ABCC2: variants seen among roughly 807,000 people sequenced by gnomAD.
The protein encoded by ABCC2 is ATP binding cassette subfamily C member 2.
In ABCC2, 157 loss-of-function variants were observed where a neutral mutation model predicts 173.4. The observed-to-expected ratio is 0.91, with a 90% confidence interval of 0.80 to 1.03. ABCC2 has a LOEUF of 1.03. Among genes scored for constraint, ABCC2 ranks in the 50% least tolerant of loss-of-function variants. The pLI, the probability that ABCC2 is intolerant of heterozygous loss-of-function variation, is 0.00. For missense variants in ABCC2, 1,822 were observed against 1,852.3 expected (o/e 0.98, Z 0.30); for synonymous variants, 657 against 693.5 (o/e 0.95, Z 0.83).
At chr10:99,784,842 T>A (rs1316859899) in intron 2 of ABCC2, 61 bp downstream of exon 2, 1 of 1,589,606 alleles carries the variant, frequency 6.3e-7, no homozygotes, top group Non-Finnish European at 8.6e-7. Context: ...AGACATTTTC[T>A]TGGTGGTTAG....
intron 7 of ABCC2, 172 bp downstream of exon 7, chr10:99,797,503 C>T (rs996835505): frequency 2.2e-5 from 15 of 671,198 alleles, no homozygotes; most frequent in Non-Finnish European, 3.2e-5. Flanking sequence ...GGATACATGG[C>T]GTGTAATGTA....
intron 9 of ABCC2, 83 bp from the exon 10 acceptor site, chr10:99,803,936 A>G (rs1448228309): frequency 5.1e-5 from 80 of 1,570,462 alleles, no homozygotes; most frequent in Middle Eastern, 2.1e-4. Context: ...CTTCCATTGT[A>G]ATCTCACTTC....
At chr10:99,839,206 T>G (rs113890674) in intron 25 of ABCC2, among the ~76,000 whole-genome samples, 1 of 74,664 alleles carries the variant, frequency 1.3e-5, no homozygotes, top group Admixed American at 1.5e-4. Context: ...CCCACCTCCC[T>G]CCCGGACGGG....
intron 13 of ABCC2, among the ~76,000 whole-genome samples, chr10:99,808,750 A>G (rs190252434): frequency 8.9e-4 from 136 of 152,330 alleles, no homozygotes; most frequent in Non-Finnish European, 1.6e-3. Context: ...AACTGAGCAT[A>G]GTCACTGATA....
chr10:99,784,643 G>A lies in ABCC2; in HGVS notation c.69G>A (p.Leu23=), dbSNP rs752688969. The part of the protein sequence containing the change: ...SSFLDSPEAD[L]PLCFEQTVLV... The stretch of plus-strand genomic sequence containing the variant: ...TCCTGGACAGTCCGGAGGCAGACCT[G>A]CCACTTTGTTTTGAGCAAACTGTTC... The change falls in exon 2 of 32, where the codon CTG becomes CTA. Residue 23 remains leucine (L), a synonymous_variant. Transcript: ENST00000647814. 6.2e-7 allele frequency: 1 copy of A among 1,614,074 alleles called. No homozygotes were observed. The highest frequency in any genetic ancestry group is 1.1e-5 in the South Asian group (1 of 91,088).
intron 19 of ABCC2, among the ~76,000 whole-genome samples, chr10:99,826,140 C>A (rs1168497461): frequency 6.6e-6 from 1 of 152,206 alleles, no homozygotes; most frequent in African/African-American, 2.4e-5. Flanking sequence ...TGAGACTGGG[C>A]AATTCTTTTT....
intron 18 of ABCC2, 25 bp from the exon 19 acceptor site, chr10:99,819,064 A>ATGGTG (rs763414970): frequency 1.3e-4 from 205 of 1,613,780 alleles, no homozygotes; most frequent in Middle Eastern, 8.2e-4. Context: ...ATGGTAATCA[A>ATGGTG]CACAACTTCA....
At chr10:99,787,623 A>G (rs1166333590) in intron 2 of ABCC2, among the ~76,000 whole-genome samples, 2 of 152,162 alleles carry the variant, frequency 1.3e-5, no homozygotes, top group African/African-American at 4.8e-5. Context: ...TTTTATGAAT[A>G]CTAACGCAAT....
At position 99,830,729 on chromosome 10, in the gene ABCC2, G is replaced by A. The variant is rs41318029; in HGVS notation, c.2761G>A (p.Gly921Ser). 20,817 of 1,614,068 alleles carry A rather than the reference G, an allele frequency of 0.013. 168 individuals carry two copies. The highest frequency in any genetic ancestry group is 0.016 in the Non-Finnish European group (18,976 of 1,179,990). ...TCCCTCTCTCAGTTCTAGGTCCAAT[G>A]GCAGGCATCTGAAGTCCCTGAGAAA... The part of the protein sequence containing the change: ...RTLSRSSRSN[G>S]RHLKSLRNSL... The change falls in exon 21 of 32, where the codon GGC becomes AGC. Residue 921 changes from glycine (G) to serine (S), a missense_variant. Gly to Ser is a moderately conservative substitution (Grantham distance 56). Coordinates refer to ENST00000647814, the MANE Select transcript of ABCC2 (RefSeq NM_000392.5).
At chr10:99,831,341 A>C (rs999527390) in intron 21 of ABCC2, among the ~76,000 whole-genome samples, 2 of 152,180 alleles carry the variant, frequency 1.3e-5, no homozygotes, top group African/African-American at 4.8e-5. Context: ...GGGGCATGCT[A>C]TCATGTCTGG....
chr10:99,827,812 C>T (rs11595888), intron 19 of ABCC2, among the ~76,000 whole-genome samples: 27,438 of 145,164 alleles, frequency 0.19, 2,709 homozygotes, highest in South Asian at 0.26. Context: ...TTTAGTTTGC[C>T]CCATTATTAC....
intron 9 of ABCC2, 56 bp downstream of exon 9, chr10:99,800,619 T>C: frequency 9.4e-6 from 15 of 1,590,836 alleles, no homozygotes; most frequent in Non-Finnish European, 1.3e-5. Flanking sequence ...AATATGAGCA[T>C]TGATTCCAAG....
At chr10:99,804,616 A>C (rs1412358963) in intron 10 of ABCC2, among the ~76,000 whole-genome samples, 1 of 152,080 alleles carries the variant, frequency 6.6e-6, no homozygotes, top group Non-Finnish European at 1.5e-5. Flanking sequence ...ATCTAAACCA[A>C]CCACAGAGAG....
At chr10:99,827,317 C>T (rs373699737) in intron 19 of ABCC2, among the ~76,000 whole-genome samples, 8 of 127,724 alleles carry the variant, frequency 6.3e-5, no homozygotes, top group Non-Finnish European at 1.2e-4. Context: ...AATTCTGGAC[C>T]TTTTCCTTCT....
chr10:99,800,672 T>C lies in ABCC2; in HGVS notation c.1209+109T>C. On this transcript the variant is annotated intron_variant, in intron 9 of 31. Transcript: ENST00000647814. ...GGAAATGGTAACTTATCTCAACACT[T>C]AATGTTGACTGGCCATACAGCCTCC... 9 of 1,225,968 alleles carry C rather than the reference T, an allele frequency of 7.3e-6. No homozygotes were observed. The South Asian group carries it at 9.8e-5, about 13-fold the overall frequency. The allele number at this position is 1,225,968 out of a possible 1,614,324, so 75.9% of individuals were successfully genotyped here.
rs373716486 is a variant in ABCC2 at position 99,850,569 on chromosome 10, G to A, written c.4314-33G>A. ...CCCTGCGTCTTTCCTTGGTCTTTAGGAGCTAACACATGGTTGCTTCTATTG... is the reference window on the plus strand; with the variant it reads ...CCCTGCGTCTTTCCTTGGTCTTTAGAAGCTAACACATGGTTGCTTCTATTG... On this transcript the variant is annotated intron_variant, in intron 30 of 31. Transcript: ENST00000647814. 52 of 1,609,202 alleles carry A rather than the reference G, an allele frequency of 3.2e-5. No homozygotes were observed. The African/African-American group carries it at 6.0e-4, about 19-fold the overall frequency.
rs760985583 is a variant in ABCC2 at position 99,845,776 on chromosome 10, C to A, written c.4140C>A (p.Ile1380=). Residue 1380 remains isoleucine, a synonymous_variant, in exon 29 of 32, where the codon ATC becomes ATA. Coordinates refer to ENST00000647814, the MANE Select transcript of ABCC2 (RefSeq NM_000392.5). ...ACCTCCGAGAGAAGCTGACCATCAT[C>A]CCCCAGGTGAGCTCTAGAACTTACT... ...LHDLREKLTI[I]PQDPILFSGS... is the part of the protein sequence containing the mutation. 2 of 1,611,026 alleles carry A rather than the reference C, an allele frequency of 1.2e-6. No homozygotes were observed. The highest frequency in any genetic ancestry group is 1.7e-6 in the Non-Finnish European group (2 of 1,179,066).
chr10:99,819,014 G>A lies in ABCC2; in HGVS notation c.2439+57G>A, dbSNP rs1289552910. On this transcript the variant is annotated intron_variant, in intron 18 of 31. Coordinates refer to ENST00000647814, the MANE Select transcript of ABCC2 (RefSeq NM_000392.5). Reference sequence around the variant, plus strand: ...AAGGTGGGGTGGGAGGGAGAGGGGAGGACATGTCTGGCAAGTAAGACAGGG... The same window carrying A: ...AAGGTGGGGTGGGAGGGAGAGGGGAAGACATGTCTGGCAAGTAAGACAGGG... 4 of 1,610,028 alleles carry A rather than the reference G, an allele frequency of 2.5e-6. No homozygotes were observed. In the African/African-American group the frequency reaches 4.0e-5, roughly 16 times the overall value.
In ABCC2 at chr10:99,814,576, T is replaced by TGTGTATATACACATATACACACAC. The variant is rs1564685419; in HGVS notation, c.2094+1432_2094+1433insGTGTATATACACATATACACACAC. Among the ~76,000 whole-genome samples the TGTGTATATACACATATACACACAC allele has an allele frequency of 4.5e-3, 484 of 108,602 alleles. 68 individuals are homozygous for TGTGTATATACACATATACACACAC. Among genetic ancestry groups the TGTGTATATACACATATACACACAC allele is most frequent in the Admixed American group, 6.1e-3 (65 of 10,722 alleles). 71.2% of individuals were successfully genotyped at this position (108,602 alleles called of 152,430 possible). A position where few individuals can be genotyped will look rare whatever the true frequency, so the allele number is the denominator to read the frequency against. ...GTGTATATACACATATACACACACA[T>TGTGTATATACACATATACACACAC]ATGTGTATATACACATATACACACA... is the stretch of plus-strand genomic sequence containing the variant. On this transcript the variant is annotated intron_variant, in intron 16 of 31. Transcript: ENST00000647814.
Sources: allele counts gnomAD v4.1 joint callset (sites outside exome capture counted in the v4.1 genomes callset), GRCh38; gene constraint gnomAD v4.1.1; transcripts MANE v1.5; gene names NCBI Gene and HGNC (gene_info 2026-07-23, HGNC 2026-07-21).